The following CDYL variants were observed in gnomAD, a reference collection of about 807,000 sequenced individuals.
CDYL encodes the protein chromodomain Y like.
CDYL carries 8 observed loss-of-function variants against 47.3 expected under a neutral mutation model. That is an observed-to-expected ratio of 0.17 (90% CI 0.10 to 0.31). CDYL has a LOEUF of 0.31. Among genes scored for constraint, CDYL ranks in the 10% least tolerant of loss-of-function variants. The pLI is 1.00. For synonymous variants in CDYL, 266 were observed against 265.0 expected (o/e 1.00, Z -0.04); for missense variants, 471 against 701.4 (o/e 0.67, Z 3.71).
At chr6:4,753,643 T>C (rs1449861353) in intron 3 of CDYL, among the ~76,000 whole-genome samples, 3 of 152,164 alleles carry the variant, frequency 2.0e-5, no homozygotes, top group Non-Finnish European at 2.9e-5. Flanking sequence ...TGAAGGGGTG[T>C]GCTATCAGAC....
At chr6:4,850,053 C>T (rs1226621362) in intron 1 of CDYL, among the ~76,000 whole-genome samples, 1 of 152,148 alleles carries the variant, frequency 6.6e-6, no homozygotes, top group Non-Finnish European at 1.5e-5. Flanking sequence ...AAATATAATA[C>T]ATGTTCAACA....
At chr6:4,886,430 G>A (rs1761902056) in intron 1 of CDYL, among the ~76,000 whole-genome samples, 1 of 152,162 alleles carries the variant, frequency 6.6e-6, no homozygotes. Flanking sequence ...CGGCTGTGAA[G>A]TGTACCCGCA....
intron 1 of CDYL, among the ~76,000 whole-genome samples, chr6:4,785,641 A>G (rs1340578390): frequency 6.6e-6 from 1 of 152,218 alleles, no homozygotes; most frequent in East Asian, 1.9e-4. Flanking sequence ...TCTTTAGTGT[A>G]TCTCAGAACC....
chr6:4,920,626 A>G (rs188373291), intron 2 of CDYL, among the ~76,000 whole-genome samples: 1 of 152,282 alleles, frequency 6.6e-6, no homozygotes, highest in African/African-American at 2.4e-5. Flanking sequence ...GTTCAGTTTT[A>G]TTGATTGATT....
chr6:4,869,096 CTTAT>C (rs1431222793), intron 1 of CDYL, among the ~76,000 whole-genome samples: 2 of 149,578 alleles, frequency 1.3e-5, no homozygotes, highest in African/African-American at 2.5e-5. Context: ...TCATTTCTTT[CTTAT>C]TTTTTTTTTT....
At chr6:4,756,573 C>CGTGTGTCTGTGTGT (rs1228739911) in intron 3 of CDYL, among the ~76,000 whole-genome samples, 30 of 125,278 alleles carry the variant, frequency 2.4e-4, no homozygotes, top group African/African-American at 1.1e-3. Context: ...TTAAAATTAT[C>CGTGTGTCTGTGTGT]GTGTGTATGT....
intron 5 of CDYL, 47 bp from the exon 6 acceptor site, chr6:4,952,219 C>A: frequency 6.3e-7 from 1 of 1,590,442 alleles, no homozygotes; most frequent in South Asian, 1.1e-5. Flanking sequence ...TCTTCCCCGC[C>A]CGCCTCCCAC....
At chr6:4,716,593 ATTTTTTTTTT>A (rs35154777) in intron 2 of CDYL, among the ~76,000 whole-genome samples, 1 of 120,004 alleles carries the variant, frequency 8.3e-6, no homozygotes, top group Non-Finnish European at 1.7e-5. Context: ...GGCAGCAATA[ATTTTTTTTTT>A]TTTTTTTTTT....
chr6:4,893,840 A>G (rs904906054), intron 2 of CDYL, among the ~76,000 whole-genome samples: 11 of 152,380 alleles, frequency 7.2e-5, no homozygotes, highest in Non-Finnish European at 1.3e-4. Context: ...TCACTAAGAC[A>G]TTCTAACCGT....
chr6:4,856,886 C>G (rs1003167374), intron 1 of CDYL, among the ~76,000 whole-genome samples: 2 of 152,192 alleles, frequency 1.3e-5, no homozygotes, highest in African/African-American at 4.8e-5. Flanking sequence ...AAGAGAAACT[C>G]TAACCTGACC....
At chr6:4,711,381 G>A (rs1757150438) in intron 1 of CDYL, among the ~76,000 whole-genome samples, 1 of 152,168 alleles carries the variant, frequency 6.6e-6, no homozygotes, top group South Asian at 2.1e-4. Flanking sequence ...TTTATTCACA[G>A]CCATCTGTTT....
intron 2 of CDYL, among the ~76,000 whole-genome samples, chr6:4,719,897 A>G (rs1365408025): frequency 1.3e-5 from 2 of 152,234 alleles, no homozygotes; most frequent in African/African-American, 4.8e-5. Context: ...CTGCAAAGAA[A>G]ACTCAGCTTT....
chr6:4,934,785 G>A (rs936876674), intron 2 of CDYL, among the ~76,000 whole-genome samples: 12 of 151,326 alleles, frequency 7.9e-5, no homozygotes, highest in African/African-American at 1.2e-4. Flanking sequence ...AACATAGCAA[G>A]ACCCCATCTC....
chr6:4,809,584 T>C (rs1378406378), intron 1 of CDYL, among the ~76,000 whole-genome samples: 1 of 149,084 alleles, frequency 6.7e-6, no homozygotes, highest in East Asian at 1.9e-4. Flanking sequence ...GGTATTATAT[T>C]AGTCCTTGGT....
At chr6:4,839,892 G>T (rs1235112402) in intron 1 of CDYL, among the ~76,000 whole-genome samples, 1 of 152,006 alleles carries the variant, frequency 6.6e-6, no homozygotes, top group Non-Finnish European at 1.5e-5. Flanking sequence ...GTCTTGCTTT[G>T]GTTATGTGGG....
chr6:4,748,635 G>C (rs1241068360), intron 3 of CDYL, among the ~76,000 whole-genome samples: 1 of 142,304 alleles, frequency 7.0e-6, no homozygotes, highest in East Asian at 2.2e-4. Flanking sequence ...TACATGGTTG[G>C]ATGGAGAGAC....
chr6:4,893,275 G>T, intron 2 of CDYL, among the ~76,000 whole-genome samples: 1 of 152,180 alleles, frequency 6.6e-6, no homozygotes. Flanking sequence ...CTGGCGCTCC[G>T]CTGCCCTCTG....
chr6:4,776,890 GC>G, intron 1 of CDYL, 83 bp downstream of exon 1: 1 of 587,910 alleles, frequency 1.7e-6, no homozygotes, highest in Non-Finnish European at 2.1e-6. Context: ...GGCCCCGCTC[GC>G]CGCCCGCGCC....
intron 2 of CDYL, among the ~76,000 whole-genome samples, chr6:4,923,527 A>AC (rs1757777127): frequency 6.6e-6 from 1 of 152,178 alleles, no homozygotes; most frequent in African/African-American, 2.4e-5. Context: ...GCTGCAATAA[A>AC]CATGGGAGTG....
Sources: allele counts gnomAD v4.1 joint callset (sites outside exome capture counted in the v4.1 genomes callset), GRCh38; gene constraint gnomAD v4.1.1; transcripts MANE v1.5; gene names NCBI Gene and HGNC (gene_info 2026-07-23, HGNC 2026-07-21).